Variants in RBM26 observed in about 807,000 individuals in gnomAD.
The protein encoded by RBM26 is RNA binding motif protein 26, also known as RNA-binding protein 26.
Under a neutral mutation model 123.6 loss-of-function variants are expected in RBM26, and 30 were observed. The ratio of observed to expected loss-of-function variants is 0.24; its 90% confidence interval spans 0.18 to 0.33. RBM26 has a LOEUF of 0.33. RBM26 is among the 10% of genes least tolerant of loss of function. The pLI is 1.00. For missense variants in RBM26, 947 were observed against 1,203.6 expected (o/e 0.79, Z 3.15); for synonymous variants, 400 against 404.4 (o/e 0.99, Z 0.13).
Position 79,365,569 on chromosome 13 carries a change from T to C in RBM26, c.1417+9A>G. The C allele has an allele frequency of 6.2e-7, 1 of 1,606,196 alleles. No individual in the cohort carries two copies. Among genetic ancestry groups the C allele is most frequent in the Non-Finnish European group, 8.5e-7 (1 of 1,175,124 alleles). On this transcript the variant is annotated intron_variant, in intron 9 of 21. Coordinates refer to ENST00000438737, the MANE Select transcript of RBM26 (RefSeq NM_001366735.2). ...GAAAATGACAGGAAGGAAAGATTAA[T>C]TATAGTACCTCTGGGTGGCAAATCC... is the stretch of plus-strand genomic sequence containing the variant.
intron 21 of RBM26, 74 bp downstream of exon 21, chr13:79,322,275 G>T: frequency 1.1e-6 from 1 of 941,270 alleles, no homozygotes; most frequent in Non-Finnish European, 1.6e-6. Context: ...TAAAATCACG[G>T]CCATAAAAAT....
intron 1 of RBM26, among the ~76,000 whole-genome samples, chr13:79,404,573 G>T (rs1240365834): frequency 6.6e-6 from 1 of 152,084 alleles, no homozygotes; most frequent in Non-Finnish European, 1.5e-5. Flanking sequence ...TCATCACAAG[G>T]CTCTTTCCAG....
chr13:79,335,798 T>C (rs1004257229), intron 19 of RBM26, among the ~76,000 whole-genome samples: 3 of 152,194 alleles, frequency 2.0e-5, no homozygotes, highest in African/African-American at 7.2e-5. Context: ...TTTAGCACAT[T>C]CATTGTTAGT....
chr13:79,340,488 G>A (rs754392511), intron 18 of RBM26, among the ~76,000 whole-genome samples: 4 of 152,012 alleles, frequency 2.6e-5, no homozygotes, highest in African/African-American at 4.8e-5. Flanking sequence ...ATACAGACAT[G>A]TGCCAACTAT....
intron 6 of RBM26, among the ~76,000 whole-genome samples, chr13:79,367,498 G>A (rs1299300809): frequency 1.3e-5 from 2 of 151,410 alleles, no homozygotes; most frequent in Admixed American, 6.6e-5. Context: ...GGTAGGAGGT[G>A]TTAGGGTCAT....
chr13:79,380,496 T>TTA (rs569440178), intron 1 of RBM26, among the ~76,000 whole-genome samples: 7 of 147,372 alleles, frequency 4.7e-5, no homozygotes, highest in Admixed American at 2.7e-4. Flanking sequence ...GGAAAGTTTT[T>TTA]AAAAAAAAAA....
At chr13:79,401,822 T>A (rs12877507) in intron 1 of RBM26, among the ~76,000 whole-genome samples, 73,181 of 151,960 alleles carry the variant, frequency 0.48, 18,158 homozygotes, top group East Asian at 0.72. Flanking sequence ...GAAGTGAGAT[T>A]TGAATACTGA....
At position 79,368,720 on chromosome 13, in the gene RBM26, A is replaced by G; in HGVS notation, c.895+10T>C. 1 of 1,609,804 alleles carries G rather than the reference A, an allele frequency of 6.2e-7. No individual in the cohort carries two copies. Among genetic ancestry groups the G allele is most frequent in the East Asian group, 2.2e-5 (1 of 44,816 alleles). ...AATTAAATACTTTATCAAACAGCTG[A>G]AAGACTTACCATCATAGTCTCTACA... On this transcript the variant is annotated intron_variant, in intron 6 of 21. Coordinates refer to ENST00000438737, the MANE Select transcript of RBM26 (RefSeq NM_001366735.2).
intron 20 of RBM26, among the ~76,000 whole-genome samples, chr13:79,323,721 A>G (rs1337534398): frequency 2.0e-5 from 3 of 151,680 alleles, no homozygotes; most frequent in African/African-American, 7.2e-5. Context: ...ACACATCTCT[A>G]TATTCAGCAC....
chr13:79,397,612 G>A lies in RBM26; in HGVS notation c.71+8092C>T, dbSNP rs533946715. On this transcript the variant is annotated intron_variant, in intron 1 of 21. Transcript: ENST00000438737. Reference sequence around the variant, plus strand: ...CAGGAGAATCGCGTGAACCCGGGAGGTGGAGGCTGCAGTGAGCTGAGATCA... The same window carrying A: ...CAGGAGAATCGCGTGAACCCGGGAGATGGAGGCTGCAGTGAGCTGAGATCA... 4.9e-4 allele frequency among the ~76,000 whole-genome samples: 72 copies of A among 145,760 alleles called. 1 individual carries two copies. The South Asian group carries it at 0.016, about 32-fold the overall frequency.
intron 20 of RBM26, among the ~76,000 whole-genome samples, chr13:79,326,832 A>T (rs966750999): frequency 2.0e-5 from 3 of 152,134 alleles, no homozygotes; most frequent in Non-Finnish European, 4.4e-5. Flanking sequence ...AAATCATTTT[A>T]AAAAGTAAAA....
chr13:79,387,024 GTCTTTC>G, intron 1 of RBM26, among the ~76,000 whole-genome samples: 1 of 152,032 alleles, frequency 6.6e-6, no homozygotes, highest in Non-Finnish European at 1.5e-5. Flanking sequence ...TCACTTCTAA[GTCTTTC>G]TCTAACATTG....
intron 3 of RBM26, among the ~76,000 whole-genome samples, chr13:79,375,096 T>TTATATATAATATAAATATATATTTA (rs2076551468): frequency 2.1e-5 from 2 of 95,290 alleles, no homozygotes; most frequent in Admixed American, 1.4e-4. Context: ...AAATATATAT[T>TTATATATAATATAAATATATATTTA]TATATATATC....
chr13:79,394,070 C>T (rs2078339624), intron 1 of RBM26, among the ~76,000 whole-genome samples: 1 of 152,160 alleles, frequency 6.6e-6, no homozygotes, highest in South Asian at 2.1e-4. Flanking sequence ...AGTAGCAAAG[C>T]CGGGATCCCC....
chr13:79,365,479 T>C (rs2075164846), intron 9 of RBM26, 99 bp downstream of exon 9: 3 of 932,338 alleles, frequency 3.2e-6, no homozygotes, highest in Non-Finnish European at 5.0e-6. Context: ...CACCATTCCT[T>C]ATCCAACCCC....
At chr13:79,313,180 G>A (rs1050959363) in exon 5 of RBM26, 5 of 151,782 alleles carry the variant, frequency 3.3e-5, no homozygotes, top group South Asian at 2.1e-4. Context: ...ATAGCTCCAT[G>A]AGAATCCTAT....
At chr13:79,404,232 C>A (rs558258153) in intron 1 of RBM26, among the ~76,000 whole-genome samples, 1 of 152,318 alleles carries the variant, frequency 6.6e-6, no homozygotes, top group South Asian at 2.1e-4. Context: ...TCTCTAATAT[C>A]ACCCATTCTG....
chr13:79,350,846 T>C (rs376456694), intron 14 of RBM26, among the ~76,000 whole-genome samples: 48 of 152,166 alleles, frequency 3.2e-4, no homozygotes, highest in Admixed American at 1.2e-3. Context: ...CCAAACCCCC[T>C]AAGGATTAGG....
intron 17 of RBM26, among the ~76,000 whole-genome samples, chr13:79,341,568 G>A (rs1456635665): frequency 6.6e-6 from 1 of 151,764 alleles, no homozygotes; most frequent in Non-Finnish European, 1.5e-5. Flanking sequence ...TACAGAGTAT[G>A]TTTTTATGTA....
Sources: allele counts gnomAD v4.1 joint callset (sites outside exome capture counted in the v4.1 genomes callset), GRCh38; gene constraint gnomAD v4.1.1; transcripts MANE v1.5; gene names NCBI Gene and HGNC (gene_info 2026-07-23, HGNC 2026-07-21).